The following ZNF730 variants were observed in gnomAD, a reference collection of about 807,000 sequenced individuals.
ZNF730 encodes putative zinc finger protein 730.
A neutral mutation model predicts 12.6 loss-of-function variants in ZNF730; 12 were observed. The observed-to-expected ratio is 0.95, with a 90% CI of 0.61 to 1.54. ZNF730 has a LOEUF of 1.54. ZNF730 is among the 40% of genes most tolerant of loss of function. The probability of loss-of-function intolerance (pLI) is 0.00; values close to 1 mark genes in which losing one functional copy is unlikely to be tolerated. For missense variants in ZNF730, 643 were observed against 583.5 expected (o/e 1.10, Z -1.05); for synonymous variants, 194 against 195.8 (o/e 0.99, Z 0.08).
chr19:23,116,942 A>G (rs891796879), upstream of ZNF730: 135 of 104,900 alleles, frequency 1.3e-3, 2 homozygotes, highest in Middle Eastern at 0.028. Flanking sequence ...CTTAAACGTT[A>G]TCCAATCGGG....
chr19:23,107,055 G>A (rs10413106), intron 1 of ZNF730, among the ~76,000 whole-genome samples: 21,776 of 145,110 alleles, frequency 0.15, 2,441 homozygotes, highest in African/African-American at 0.31. Context: ...ATGCTGGACC[G>A]GAGTTGCGCA....
exon 1 of ZNF730, chr19:23,075,293 C>T (rs1599558596): frequency 6.5e-6 from 1 of 153,310 alleles, no homozygotes; most frequent in South Asian, 1.8e-4. Flanking sequence ...CGACCCCCGC[C>T]CGGCGACTTT....
chr19:23,078,237 A>C (rs1969901799), intron 1 of ZNF730, among the ~76,000 whole-genome samples: 1 of 151,388 alleles, frequency 6.6e-6, no homozygotes, highest in Non-Finnish European at 1.5e-5. Flanking sequence ...ATCTGTCTCC[A>C]GGCATGTGTC....
At chr19:23,141,866 A>T (rs1970925808) in intron 3 of ZNF730, among the ~76,000 whole-genome samples, 1 of 152,114 alleles carries the variant, frequency 6.6e-6, no homozygotes, top group African/African-American at 2.4e-5. Flanking sequence ...TAATTGTTTT[A>T]TACTGCCTTC....
intron 1 of ZNF730, among the ~76,000 whole-genome samples, chr19:23,118,999 T>G (rs771876829): frequency 1.3e-5 from 2 of 152,236 alleles, no homozygotes; most frequent in African/African-American, 4.8e-5. Context: ...AAACAGAGAT[T>G]GTTTTAATTT....
At chr19:23,118,771 AAAATAGTATCC>A (rs1970563262) in intron 1 of ZNF730, among the ~76,000 whole-genome samples, 2 of 152,196 alleles carry the variant, frequency 1.3e-5, no homozygotes, top group African/African-American at 4.8e-5. Context: ...ATTCATGGAA[AAAATAGTATCC>A]AAATGGCAGA....
intron 1 of ZNF730, chr19:23,126,616 G>A (rs2145629143): frequency 6.0e-6 from 3 of 496,024 alleles, no homozygotes; most frequent in Non-Finnish European, 1.2e-5. Context: ...AGCAACTGTA[G>A]GTTACCCTTT....
chr19:23,081,884 C>T (rs960972673), intron 1 of ZNF730, among the ~76,000 whole-genome samples: 1 of 152,166 alleles, frequency 6.6e-6, no homozygotes. Context: ...TCCCTAGTAG[C>T]TGGGGCTACA....
intron 1 of ZNF730, among the ~76,000 whole-genome samples, chr19:23,102,866 T>G (rs1970352175): frequency 6.6e-6 from 1 of 152,176 alleles, no homozygotes; most frequent in Non-Finnish European, 1.5e-5. Flanking sequence ...TAGCTAGGCT[T>G]AAAATCATGA....
intron 3 of ZNF730, among the ~76,000 whole-genome samples, chr19:23,139,237 T>C (rs560222087): frequency 2.6e-4 from 40 of 152,324 alleles, no homozygotes; most frequent in South Asian, 6.2e-4. Flanking sequence ...AAAATATATT[T>C]TTTTTTCTTT....
In ZNF730 at chr19:23,076,344, TAAAAAA is replaced by T. The variant is rs561711506; in HGVS notation, c.-94+958_-94+963del. 1.1e-3 allele frequency among the ~76,000 whole-genome samples: 167 copies of T among 152,238 alleles called. 1 individual carries two copies. Among genetic ancestry groups the T allele is most frequent in the African/African-American group, 3.8e-3 (158 of 41,544 alleles). Reference sequence around the variant, plus strand: ...AAAATAATCCTCTGTCACTCCACTGTAAAAAATAAAAATAAAAATTATCTCTGCCTC... The same window carrying T: ...AAAATAATCCTCTGTCACTCCACTGTTAAAAATAAAAATTATCTCTGCCTC... On this transcript the variant is annotated intron_variant, in intron 1 of 2. Transcript: ENST00000593635.
intron 1 of ZNF730, among the ~76,000 whole-genome samples, chr19:23,091,941 G>A (rs190874179): frequency 6.6e-6 from 1 of 152,198 alleles, no homozygotes; most frequent in Non-Finnish European, 1.5e-5. Context: ...GAGGGGCCAG[G>A]GGCAGAATGA....
intron 1 of ZNF730, among the ~76,000 whole-genome samples, chr19:23,090,893 A>G (rs1263556878): frequency 1.3e-5 from 2 of 151,982 alleles, no homozygotes; most frequent in African/African-American, 4.8e-5. Context: ...GCTACTCAGG[A>G]GGCTGAGGCA....
At chr19:23,095,039 A>G (rs1264763446) in intron 1 of ZNF730, 1 of 222,214 alleles carries the variant, frequency 4.5e-6, no homozygotes, top group African/African-American at 2.3e-5. Flanking sequence ...ATCCCTGAAC[A>G]TCCTGCTGGT....
At chr19:23,121,206 A>G (rs1970593818) in intron 1 of ZNF730, among the ~76,000 whole-genome samples, 3 of 152,090 alleles carry the variant, frequency 2.0e-5, no homozygotes, top group Admixed American at 1.3e-4. Context: ...GTAGATGTCT[A>G]TTAGGACTAT....
At chr19:23,082,242 C>T (rs1969977641) in intron 1 of ZNF730, among the ~76,000 whole-genome samples, 1 of 152,016 alleles carries the variant, frequency 6.6e-6, no homozygotes, top group African/African-American at 2.4e-5. Context: ...TTTTCAGAGT[C>T]CTCGTATGAG....
chr19:23,132,416 G>A (rs576240723), intron 1 of ZNF730, among the ~76,000 whole-genome samples: 2 of 152,036 alleles, frequency 1.3e-5, no homozygotes, highest in Admixed American at 6.6e-5. Flanking sequence ...TTCTCTACTT[G>A]TGCTTTTCCT....
intron 1 of ZNF730, among the ~76,000 whole-genome samples, chr19:23,098,620 TC>T (rs1351931861): frequency 3.3e-5 from 5 of 152,118 alleles, no homozygotes; most frequent in African/African-American, 1.2e-4. Flanking sequence ...TAGTGCAGGG[TC>T]CAGCCACCAG....
chr19:23,084,154 C>A (rs1199500972), intron 1 of ZNF730, among the ~76,000 whole-genome samples: 1 of 152,044 alleles, frequency 6.6e-6, no homozygotes, highest in Non-Finnish European at 1.5e-5. Context: ...TTGATTTTCC[C>A]TGCCATTTGT....
Sources: allele counts gnomAD v4.1 joint callset (sites outside exome capture counted in the v4.1 genomes callset), GRCh38; gene constraint gnomAD v4.1.1; transcripts MANE v1.5; gene names NCBI Gene and HGNC (gene_info 2026-07-23, HGNC 2026-07-21).